The following PTPRN2 variants were observed in gnomAD, a reference collection of about 807,000 sequenced individuals.
PTPRN2 encodes the protein receptor-type tyrosine-protein phosphatase N2.
PTPRN2 carries 74 observed loss-of-function variants against 118.8 expected under a neutral mutation model. That is an observed-to-expected ratio of 0.62 (90% CI 0.52 to 0.76). PTPRN2 has a LOEUF of 0.76. PTPRN2 is among the 30% of genes least tolerant of loss of function. The pLI, the probability that PTPRN2 is intolerant of heterozygous loss-of-function variation, is 0.00. For synonymous variants in PTPRN2, 641 were observed against 608.0 expected (o/e 1.05, Z -0.80); for missense variants, 1,481 against 1,394.4 (o/e 1.06, Z -0.99).
At chr7:158,548,371 T>C (rs1324179539) in intron 1 of PTPRN2, among the ~76,000 whole-genome samples, 1 of 152,124 alleles carries the variant, frequency 6.6e-6, no homozygotes, top group African/African-American at 2.4e-5. Flanking sequence ...TGGTGTTCCT[T>C]TTCTCTTTCA....
chr7:157,759,481 GCTC>G (rs1802005972), intron 12 of PTPRN2, among the ~76,000 whole-genome samples: 1 of 152,228 alleles, frequency 6.6e-6, no homozygotes, highest in Non-Finnish European at 1.5e-5. Flanking sequence ...TCCAGTGTCA[GCTC>G]CTTGTAAGCC....
chr7:157,853,540 G>A (rs1159302582), intron 12 of PTPRN2, among the ~76,000 whole-genome samples: 3 of 149,328 alleles, frequency 2.0e-5, no homozygotes, highest in Non-Finnish European at 3.0e-5. Flanking sequence ...CACAAGCCCC[G>A]TGACCCTTTC....
chr7:157,922,668 A>G (rs1313067970), intron 11 of PTPRN2, among the ~76,000 whole-genome samples: 1 of 152,202 alleles, frequency 6.6e-6, no homozygotes, highest in Non-Finnish European at 1.5e-5. Context: ...GGGCATCTGC[A>G]GTAAGGTTGG....
At chr7:158,310,400 A>G (rs1404677732) in intron 3 of PTPRN2, among the ~76,000 whole-genome samples, 5 of 152,254 alleles carry the variant, frequency 3.3e-5, no homozygotes, top group African/African-American at 4.8e-5. Flanking sequence ...GAAAGGAGGA[A>G]CACACTATCG....
At chr7:158,142,195 C>G (rs953685239) in intron 6 of PTPRN2, among the ~76,000 whole-genome samples, 1 of 152,244 alleles carries the variant, frequency 6.6e-6, no homozygotes, top group African/African-American at 2.4e-5. Context: ...GCAAACCCTG[C>G]GATCCGGAGC....
intron 11 of PTPRN2, among the ~76,000 whole-genome samples, chr7:158,012,559 C>T (rs908342136): frequency 7.9e-5 from 12 of 152,186 alleles, no homozygotes; most frequent in Non-Finnish European, 1.3e-4. Context: ...GGACTGCTGC[C>T]TCTGCTGGCA....
chr7:157,698,492 T>C (rs1797916303), intron 12 of PTPRN2, among the ~76,000 whole-genome samples: 1 of 152,248 alleles, frequency 6.6e-6, no homozygotes, highest in Admixed American at 6.5e-5. Flanking sequence ...CAGCAAACAT[T>C]TCTGCTTGAA....
intron 14 of PTPRN2, among the ~76,000 whole-genome samples, chr7:157,654,758 C>T (rs905441304): frequency 6.6e-6 from 1 of 152,206 alleles, no homozygotes; most frequent in African/African-American, 2.4e-5. Flanking sequence ...TACAGTATTT[C>T]CAGGTACCAA....
intron 2 of PTPRN2, among the ~76,000 whole-genome samples, chr7:158,319,402 A>ACACACAGCCTCC (rs1802628147): frequency 6.0e-5 from 2 of 33,310 alleles, no homozygotes; most frequent in East Asian, 9.3e-4. Flanking sequence ...AGCCTCCCAC[A>ACACACAGCCTCC]CACACACACA....
intron 11 of PTPRN2, among the ~76,000 whole-genome samples, chr7:158,053,863 C>CACAGAGACCCCAGAGAT (rs1809537798): frequency 9.5e-6 from 1 of 105,122 alleles, no homozygotes; most frequent in African/African-American, 4.2e-5. Flanking sequence ...ACTCCAGAGA[C>CACAGAGACCCCAGAGAT]GCAGAGACCC....
rs1015945042 is a variant in PTPRN2 at position 157,779,536 on chromosome 7, C to A, written c.1789-96599G>T. Among the ~76,000 whole-genome samples the A allele has an allele frequency of 6.6e-6, 1 of 152,200 alleles. No individual in the cohort carries two copies. The highest frequency in any genetic ancestry group is 2.4e-5 in the African/African-American group (1 of 41,456). On this transcript the variant is annotated intron_variant, in intron 12 of 22. Coordinates refer to ENST00000389418, the MANE Select transcript of PTPRN2 (RefSeq NM_002847.5). This position sits in a 1 kb window ranked among gnomAD's most constrained non-coding sequence, Gnocchi z 4.7. ...CTCAGGCCAGTGCCCTCCACGTTGT[C>A]CCCAGCAGGGCGACGGAGGGTGGGG...
chr7:157,699,986 C>A (rs1383540387), intron 12 of PTPRN2, among the ~76,000 whole-genome samples: 1 of 152,220 alleles, frequency 6.6e-6, no homozygotes, highest in Non-Finnish European at 1.5e-5. Context: ...GAATCTGCCA[C>A]ATGTAACTAT....
intron 12 of PTPRN2, among the ~76,000 whole-genome samples, chr7:157,710,857 G>A (rs1798583535): frequency 1.4e-5 from 1 of 70,754 alleles, no homozygotes; most frequent in Non-Finnish European, 2.9e-5. Flanking sequence ...AGCCCCACGC[G>A]CCGGAGGTTC....
Position 158,447,391 on chromosome 7 carries a change from G to A in PTPRN2, c.163+42344C>T, listed in dbSNP as rs377523470. Reference sequence around the variant, plus strand: ...AATTCTTTGGCACCAAAAAAAAAGAGGAAGGCAGCTAATAACCACTACAGA... The same window carrying A: ...AATTCTTTGGCACCAAAAAAAAAGAAGAAGGCAGCTAATAACCACTACAGA... On this transcript the variant is annotated intron_variant, in intron 2 of 22. Transcript: ENST00000389418. Among the ~76,000 whole-genome samples, 65 of 152,322 alleles carry A rather than the reference G, an allele frequency of 4.3e-4. No homozygotes were observed. In the Middle Eastern group the frequency reaches 0.014, roughly 32 times the overall value.
intron 12 of PTPRN2, among the ~76,000 whole-genome samples, chr7:157,776,479 C>T: frequency 6.9e-6 from 1 of 144,702 alleles, no homozygotes; most frequent in Non-Finnish European, 1.5e-5. Context: ...TTCTCCCTCT[C>T]CTCCTCCCTC....
chr7:158,373,067 C>T (rs753291400), intron 2 of PTPRN2, among the ~76,000 whole-genome samples: 10 of 152,232 alleles, frequency 6.6e-5, no homozygotes, highest in South Asian at 2.1e-4. Context: ...TTCCACCCAG[C>T]GGCCTCTTAA....
At chr7:158,134,316 T>TCA (rs1818631399) in intron 8 of PTPRN2, among the ~76,000 whole-genome samples, 2 of 152,090 alleles carry the variant, frequency 1.3e-5, no homozygotes, top group Non-Finnish European at 1.5e-5. Context: ...ACACACATGC[T>TCA]CACACACACA....
At chr7:157,576,573 C>T in intron 19 of PTPRN2, 40 bp downstream of exon 19, 1 of 1,564,908 alleles carries the variant, frequency 6.4e-7, no homozygotes, top group South Asian at 1.2e-5. Flanking sequence ...GTGCCGCGCG[C>T]TCAGCGCGCA....
intron 2 of PTPRN2, among the ~76,000 whole-genome samples, chr7:158,455,213 G>T (rs549015833): frequency 6.6e-6 from 1 of 151,900 alleles, no homozygotes; most frequent in African/African-American, 2.4e-5. Flanking sequence ...GGACGCCATC[G>T]GCCACGGCCA....
Sources: allele counts gnomAD v4.1 joint callset (sites outside exome capture counted in the v4.1 genomes callset), GRCh38; gene constraint gnomAD v4.1.1; non-coding constraint Gnocchi (gnomAD v3.1); transcripts MANE v1.5; gene names NCBI Gene and HGNC (gene_info 2026-07-23, HGNC 2026-07-21).